The following AKAP6 variants were observed in gnomAD, a reference collection of about 807,000 sequenced individuals.
AKAP6 encodes the protein A-kinase anchoring protein 6, also known as A-kinase anchor protein 6.
A neutral mutation model predicts 188.5 loss-of-function variants in AKAP6; 58 were observed. That is an observed-to-expected ratio of 0.31 (90% CI 0.25 to 0.38). AKAP6 has a LOEUF of 0.38. Among genes scored for constraint, AKAP6 ranks in the 10% least tolerant of loss-of-function variants. The pLI is 1.00. For missense variants in AKAP6, 2,710 were observed against 2,740.0 expected (o/e 0.99, Z 0.24); for synonymous variants, 989 against 998.6 (o/e 0.99, Z 0.18).
At chr14:32,661,462 G>A (rs1348859026) in intron 7 of AKAP6, among the ~76,000 whole-genome samples, 2 of 152,076 alleles carry the variant, frequency 1.3e-5, no homozygotes, top group East Asian at 3.9e-4. Context: ...TGTGCACACT[G>A]CCAAAGGTGC....
intron 2 of AKAP6, among the ~76,000 whole-genome samples, chr14:32,467,222 CA>C (rs1223563625): frequency 3.2e-5 from 3 of 93,862 alleles, no homozygotes; most frequent in Admixed American, 1.0e-4. Context: ...GAAAAAAAAA[CA>C]AAAACAAAAA....
At chr14:32,660,225 A>G (rs932084762) in intron 7 of AKAP6, among the ~76,000 whole-genome samples, 1 of 152,156 alleles carries the variant, frequency 6.6e-6, no homozygotes, top group South Asian at 2.1e-4. Context: ...TGCAACAACC[A>G]GTTGGAGGAA....
At chr14:32,563,578 C>T (rs2139215690) in intron 4 of AKAP6, among the ~76,000 whole-genome samples, 1 of 152,188 alleles carries the variant, frequency 6.6e-6, no homozygotes, top group African/African-American at 2.4e-5. Flanking sequence ...TTTTTTCCTT[C>T]CACCTTCAGC....
intron 2 of AKAP6, among the ~76,000 whole-genome samples, chr14:32,505,721 T>A (rs1880837978): frequency 6.6e-6 from 1 of 152,204 alleles, no homozygotes; most frequent in South Asian, 2.1e-4. Flanking sequence ...GAGATGATTC[T>A]ACTTAGTTAA....
At chr14:32,592,532 C>G (rs1392067212) in intron 5 of AKAP6, among the ~76,000 whole-genome samples, 1 of 152,108 alleles carries the variant, frequency 6.6e-6, no homozygotes, top group Non-Finnish European at 1.5e-5. Context: ...GAGCTGGAAA[C>G]TTTAAGCAAT....
chr14:32,364,932 A>G (rs74041605), intron 1 of AKAP6, among the ~76,000 whole-genome samples: 126 of 152,316 alleles, frequency 8.3e-4, no homozygotes, highest in African/African-American at 2.7e-3. Context: ...GGACGAAATT[A>G]TAGTTAATAA....
At chr14:32,808,666 A>G (rs1423330572) in intron 12 of AKAP6, among the ~76,000 whole-genome samples, 2 of 152,214 alleles carry the variant, frequency 1.3e-5, no homozygotes, top group African/African-American at 4.8e-5. Context: ...CCAATTTTCC[A>G]AAAGCAATTC....
At position 32,577,167 on chromosome 14, in the gene AKAP6, C is replaced by A. The variant is rs1308996401; in HGVS notation, c.2394C>A (p.Ala798=). Residue 798 remains alanine (A), a synonymous_variant, in exon 5 of 14, where the codon GCC becomes GCA. Coordinates refer to ENST00000280979, the MANE Select transcript of AKAP6 (RefSeq NM_004274.5). ...AATTCATTCAATGGTTAAATGAAGC[C>A]ATGGAAACTACAGAAAATTGGACTC... ...LDEFIQWLNE[A]METTENWTPP... 3 of 1,612,102 alleles carry A rather than the reference C, an allele frequency of 1.9e-6. No individual in the cohort carries two copies. The Admixed American group carries it at 5.0e-5, about 27-fold the overall frequency.
At chr14:32,646,124 G>A (rs1020481693) in intron 7 of AKAP6, among the ~76,000 whole-genome samples, 2 of 152,004 alleles carry the variant, frequency 1.3e-5, no homozygotes, top group Non-Finnish European at 2.9e-5. Context: ...GAAGAAAAGT[G>A]AGTCAATATT....
intron 7 of AKAP6, among the ~76,000 whole-genome samples, chr14:32,668,038 A>T (rs1889024997): frequency 6.6e-6 from 1 of 152,052 alleles, no homozygotes; most frequent in Non-Finnish European, 1.5e-5. Flanking sequence ...GTAAATAAGG[A>T]TTTGCTGTAG....
chr14:32,487,255 C>A (rs931613402), intron 2 of AKAP6, among the ~76,000 whole-genome samples: 1 of 152,164 alleles, frequency 6.6e-6, no homozygotes, highest in Non-Finnish European at 1.5e-5. Context: ...CAATGTTCAT[C>A]AAAGATATTG....
chr14:32,542,421 T>TTAC (rs1307245488), intron 3 of AKAP6, among the ~76,000 whole-genome samples: 4 of 152,208 alleles, frequency 2.6e-5, no homozygotes, highest in Non-Finnish European at 5.9e-5. Context: ...TATACTGTCA[T>TTAC]AGTACTTACA....
At chr14:32,521,277 C>A (rs908709491) in intron 2 of AKAP6, among the ~76,000 whole-genome samples, 7 of 151,990 alleles carry the variant, frequency 4.6e-5, no homozygotes, top group South Asian at 2.1e-4. Context: ...AAACGGGCAC[C>A]AGACAGGGAT....
intron 1 of AKAP6, among the ~76,000 whole-genome samples, chr14:32,414,122 G>A (rs1889579391): frequency 1.3e-5 from 2 of 151,946 alleles, no homozygotes; most frequent in Non-Finnish European, 2.9e-5. Context: ...AGTAAGCCTG[G>A]CCATGAAGTG....
chr14:32,384,421 CAT>C (rs550759383), intron 1 of AKAP6, among the ~76,000 whole-genome samples: 2 of 152,114 alleles, frequency 1.3e-5, no homozygotes, highest in Non-Finnish European at 2.9e-5. Context: ...AAAGTTGTCA[CAT>C]GTTTTGTTGT....
At chr14:32,580,954 G>T (rs966557897) in intron 5 of AKAP6, among the ~76,000 whole-genome samples, 2 of 152,020 alleles carry the variant, frequency 1.3e-5, no homozygotes, top group Non-Finnish European at 2.9e-5. Context: ...GTCTATCATT[G>T]TTGGACATTT....
chr14:32,574,492 A>C (rs1438169147), intron 4 of AKAP6, among the ~76,000 whole-genome samples: 1 of 152,182 alleles, frequency 6.6e-6, no homozygotes, highest in Non-Finnish European at 1.5e-5. Context: ...CTTTTTGGCT[A>C]AGACTAACTT....
At chr14:32,405,689 G>A (rs1805032874) in intron 1 of AKAP6, among the ~76,000 whole-genome samples, 1 of 31,992 alleles carries the variant, frequency 3.1e-5, no homozygotes. Flanking sequence ...CCCCCATACT[G>A]TTCTTGTGAT....
chr14:32,587,964 AAGGTGG>A (rs1885323563), intron 5 of AKAP6, among the ~76,000 whole-genome samples: 1 of 152,194 alleles, frequency 6.6e-6, no homozygotes, highest in Non-Finnish European at 1.5e-5. Flanking sequence ...GTACATGGTA[AAGGTGG>A]AGCAAGCTGT....
Sources: gnomAD v4.1 joint callset for allele counts (sites outside exome capture counted in the v4.1 genomes callset) on GRCh38, gnomAD v4.1.1 for gene constraint, MANE v1.5 for transcripts, NCBI Gene and HGNC (gene_info 2026-07-23, HGNC 2026-07-21) for gene names.